MTERF4: variants seen among roughly 807,000 people sequenced by gnomAD.
The protein encoded by MTERF4 is mitochondrial transcription termination factor 4.
A neutral mutation model predicts 22.5 loss-of-function variants in MTERF4; 17 were observed. The observed-to-expected ratio is 0.75, with a 90% CI of 0.52 to 1.13. MTERF4 has a LOEUF of 1.13. Ranked by LOEUF, MTERF4 falls within the 50% of genes most tolerant of loss-of-function variation. The pLI is 0.00. For synonymous variants in MTERF4, 165 were observed against 175.3 expected (o/e 0.94, Z 0.47); for missense variants, 420 against 466.8 (o/e 0.90, Z 0.92).
exon 5 of MTERF4, chr2:241,074,609 C>T (rs921835698): frequency 6.6e-6 from 1 of 152,154 alleles, no homozygotes; most frequent in African/African-American, 2.4e-5. Flanking sequence ...GAGGTCACCA[C>T]GGTCATGTGG....
chr2:241,043,356 C>T, the MTERF4 span, among the ~76,000 whole-genome samples: 3 of 152,150 alleles, frequency 2.0e-5, no homozygotes, highest in Non-Finnish European at 1.5e-5. Flanking sequence ...TGGAGTAACA[C>T]CTTCAAAGCA....
At chr2:241,051,368 C>T in the MTERF4 span, 76 of 205,606 alleles carry the variant, frequency 3.7e-4, no homozygotes, top group East Asian at 2.1e-3. This position sits in a 1 kb window ranked among gnomAD's most constrained non-coding sequence, Gnocchi z 4.7. Context: ...CCTGATGTCA[C>T]GGCAGATGAG....
At chr2:241,067,249 A>G (rs2062493850), downstream of MTERF4, among the ~76,000 whole-genome samples, 1 of 152,226 alleles carries the variant, frequency 6.6e-6, no homozygotes, top group African/African-American at 2.4e-5. Context: ...GTGCATCAGC[A>G]GTGGCACTGG....
chr2:241,057,383 AT>A, the MTERF4 span, among the ~76,000 whole-genome samples: 39 of 39,506 alleles, frequency 9.9e-4, 2 homozygotes, highest in Admixed American at 8.6e-3. Context: ...ATCTCAAAAT[AT>A]ATATATATAT....
At chr2:241,048,351 C>T in the MTERF4 span, 2 of 1,611,228 alleles carry the variant, frequency 1.2e-6, no homozygotes, top group East Asian at 2.2e-5. Context: ...CTCTCGGCCC[C>T]TTGCCACAAT....
At chr2:241,093,146 G>A (rs926074428), downstream of MTERF4, 1 of 152,534 alleles carries the variant, frequency 6.6e-6, no homozygotes, top group Non-Finnish European at 1.5e-5. Flanking sequence ...CTGTACTCCC[G>A]AGCTGTTCCC....
the MTERF4 span, among the ~76,000 whole-genome samples, chr2:241,051,094 A>G: frequency 6.6e-6 from 1 of 152,174 alleles, no homozygotes; most frequent in African/African-American, 2.4e-5. This position sits in a 1 kb window ranked among gnomAD's most constrained non-coding sequence, Gnocchi z 4.7. Flanking sequence ...GAGCGAGCAC[A>G]GTGGGGCAGG....
At chr2:241,058,520 C>T in the MTERF4 span, among the ~76,000 whole-genome samples, 1 of 152,096 alleles carries the variant, frequency 6.6e-6, no homozygotes, top group Non-Finnish European at 1.5e-5. Context: ...CCTAATGTAA[C>T]ATGTTTAGTG....
At chr2:241,071,718 C>CCCCCGGA, downstream of MTERF4, 2 of 1,503,602 alleles carry the variant, frequency 1.3e-6, no homozygotes, top group South Asian at 1.2e-5. Context: ...CCCAGCCCCC[C>CCCCCGGA]AGGTACATGC....
downstream of MTERF4, among the ~76,000 whole-genome samples, chr2:241,089,823 G>A (rs945768102): frequency 4.6e-5 from 7 of 152,388 alleles, no homozygotes; most frequent in African/African-American, 1.4e-4. Flanking sequence ...CGCGTACTGC[G>A]CACCTAGGCT....
chr2:241,051,609 T>A, the MTERF4 span: 23 of 670,206 alleles, frequency 3.4e-5, no homozygotes, highest in African/African-American at 5.5e-5. This position sits in a 1 kb window ranked among gnomAD's most constrained non-coding sequence, Gnocchi z 4.7. Flanking sequence ...TGGCCCCTGC[T>A]GCAGCCAGGC....
the MTERF4 span, chr2:241,063,955 C>G: frequency 7.8e-7 from 1 of 1,289,950 alleles, no homozygotes; most frequent in Non-Finnish European, 1.1e-6. Flanking sequence ...CTGTCCTCTC[C>G]TCCCTCCCCC....
At chr2:241,048,565 T>C in the MTERF4 span, 1 of 1,498,550 alleles carries the variant, frequency 6.7e-7, no homozygotes, top group African/African-American at 1.4e-5. Context: ...CACTGCAATT[T>C]GTATGGGAAG....
chr2:241,097,352 C>CT lies in MTERF4; in HGVS notation c.595dup (p.Arg199LysfsTer46). 6.2e-7 allele frequency: 1 copy of CT among 1,614,196 alleles called. No individual in the cohort carries two copies. Among genetic ancestry groups the CT allele is most frequent in the Non-Finnish European group, 8.5e-7 (1 of 1,180,034 alleles). ...GAAAAGGCACTTCTCCTTGAGAAGC[C>CT]TGACAGTGTCGTTAATGTCCTGCTG... On this transcript the variant is annotated frameshift_variant, in exon 3 of 4. Coordinates refer to ENST00000391980, the MANE Select transcript of MTERF4 (RefSeq NM_182501.4). LOFTEE classifies it high-confidence loss of function.
the MTERF4 span, among the ~76,000 whole-genome samples, chr2:241,050,422 C>A: frequency 6.6e-6 from 1 of 152,112 alleles, no homozygotes; most frequent in South Asian, 2.1e-4. Flanking sequence ...TCCCATCAGT[C>A]ACCCCCAGAC....
exon 5 of MTERF4, chr2:241,074,777 T>C (rs990566568): frequency 6.6e-6 from 1 of 152,248 alleles, no homozygotes; most frequent in Non-Finnish European, 1.5e-5. Context: ...TATTTAGTTA[T>C]TAGCCTTTGA....
Position 241,073,311 on chromosome 2 carries a change from A to C in MTERF4, n.2851T>G, listed in dbSNP as rs764799103. On this transcript the variant is annotated non_coding_transcript_exon_variant, in exon 5 of 5. Transcript: ENST00000464344. This position sits in a 1 kb window ranked among gnomAD's most constrained non-coding sequence, Gnocchi z 6.6. ...CTCGAGAACATGGAGGAAGCCCCCA[A>C]GCGGGTCAGCCTGGCCCTCCAGCTC... 1 of 1,573,572 alleles carries C rather than the reference A, an allele frequency of 6.4e-7. No individual in the cohort carries two copies. The highest frequency in any genetic ancestry group is 1.9e-5 in the Admixed American group (1 of 53,194).
chr2:241,063,800 C>A, the MTERF4 span: 2 of 902,720 alleles, frequency 2.2e-6, no homozygotes, highest in Non-Finnish European at 3.3e-6. Context: ...GGCAGGCCAC[C>A]TGGGGAGAGG....
At chr2:241,080,055 C>T (rs2063256303) in intron 4 of MTERF4, among the ~76,000 whole-genome samples, 1 of 152,082 alleles carries the variant, frequency 6.6e-6, no homozygotes, top group East Asian at 1.9e-4. Context: ...GAGGCTGAAA[C>T]GGGCAGTTGA....
Sources: gnomAD v4.1 joint callset for allele counts (sites outside exome capture counted in the v4.1 genomes callset) on GRCh38, gnomAD v4.1.1 for gene constraint, Gnocchi (gnomAD v3.1) non-coding constraint, MANE v1.5 for transcripts, NCBI Gene and HGNC (gene_info 2026-07-23, HGNC 2026-07-21) for gene names.